PLEKHM3: variants seen among roughly 807,000 people sequenced by gnomAD.
PLEKHM3 encodes pleckstrin homology domain-containing family M member 3.
PLEKHM3 carries 45 observed loss-of-function variants against 81.8 expected under a neutral mutation model. The ratio of observed to expected loss-of-function variants is 0.55; its 90% confidence interval spans 0.43 to 0.71. The LOEUF is 0.71. Among genes scored for constraint, PLEKHM3 ranks in the 30% least tolerant of loss-of-function variants. PLEKHM3 has a pLI of 0.00. For missense variants in PLEKHM3, 788 were observed against 924.3 expected (o/e 0.85, Z 1.91); for synonymous variants, 352 against 356.4 (o/e 0.99, Z 0.14).
intron 7 of PLEKHM3, among the ~76,000 whole-genome samples, chr2:207,839,713 C>T (rs1158295129): frequency 6.6e-5 from 10 of 152,098 alleles, no homozygotes; most frequent in Non-Finnish European, 1.2e-4. Context: ...GCAGGATGAT[C>T]CTGCCCAGGA....
At chr2:207,922,676 G>T (rs1689225466) in intron 5 of PLEKHM3, among the ~76,000 whole-genome samples, 1 of 152,166 alleles carries the variant, frequency 6.6e-6, no homozygotes. Flanking sequence ...GCTGGGCGTG[G>T]TGGCGGGCGC....
chr2:207,899,686 G>A (rs1014399929), intron 6 of PLEKHM3, among the ~76,000 whole-genome samples: 6 of 152,158 alleles, frequency 3.9e-5, no homozygotes, highest in East Asian at 1.9e-4. Flanking sequence ...AAGCGATACC[G>A]TTTTACTCAT....
chr2:207,938,367 T>C (rs1029123958), intron 4 of PLEKHM3, among the ~76,000 whole-genome samples: 1 of 152,196 alleles, frequency 6.6e-6, no homozygotes, highest in Admixed American at 6.5e-5. Flanking sequence ...ATTAGGATTA[T>C]TAATACTCCA....
chr2:207,950,441 G>A (rs1279431253), intron 3 of PLEKHM3, among the ~76,000 whole-genome samples: 1 of 152,162 alleles, frequency 6.6e-6, no homozygotes, highest in Non-Finnish European at 1.5e-5. Context: ...TGCCAAATTT[G>A]AGTGAGCAAT....
At chr2:207,952,380 C>A (rs866293310) in intron 3 of PLEKHM3, among the ~76,000 whole-genome samples, 22 of 152,132 alleles carry the variant, frequency 1.4e-4, no homozygotes, top group African/African-American at 4.3e-4. Context: ...AAGGCCTAGA[C>A]TTTGATCATA....
chr2:207,956,555 T>A (rs1159722452), intron 3 of PLEKHM3, among the ~76,000 whole-genome samples: 2 of 150,534 alleles, frequency 1.3e-5, no homozygotes, highest in Admixed American at 6.6e-5. Context: ...TTTTTTTTTT[T>A]AAATTTTGGA....
At chr2:207,931,215 G>A in intron 4 of PLEKHM3, 96 bp from the exon 5 acceptor site, 4 of 1,178,450 alleles carry the variant, frequency 3.4e-6, no homozygotes, top group Non-Finnish European at 4.7e-6. Context: ...AAAGGAACAC[G>A]ATTATTTTCT....
intron 7 of PLEKHM3, among the ~76,000 whole-genome samples, chr2:207,836,045 A>G (rs1039659202): frequency 3.9e-5 from 6 of 152,182 alleles, no homozygotes; most frequent in African/African-American, 9.7e-5. Context: ...CCAGAGTTCA[A>G]CTTCTGTGGA....
chr2:207,892,044 G>C (rs1688076107), intron 6 of PLEKHM3, among the ~76,000 whole-genome samples: 1 of 152,240 alleles, frequency 6.6e-6, no homozygotes, highest in Admixed American at 6.5e-5. Flanking sequence ...AGCCCTTCTA[G>C]AGCCTGGGTA....
At chr2:207,985,174 G>A (rs1423839101) in intron 2 of PLEKHM3, among the ~76,000 whole-genome samples, 1 of 151,280 alleles carries the variant, frequency 6.6e-6, no homozygotes, top group African/African-American at 2.4e-5. Flanking sequence ...CATGTCCATG[G>A]CTCACCCACT....
intron 6 of PLEKHM3, among the ~76,000 whole-genome samples, chr2:207,869,316 T>C (rs1210716719): frequency 6.6e-6 from 1 of 152,190 alleles, no homozygotes; most frequent in Non-Finnish European, 1.5e-5. Flanking sequence ...AACAAAATCA[T>C]GACAGTGTAA....
chr2:207,913,972 C>T (rs764001317), intron 5 of PLEKHM3, among the ~76,000 whole-genome samples: 36 of 152,030 alleles, frequency 2.4e-4, no homozygotes, highest in East Asian at 5.8e-4. Context: ...CGTGTGCGTG[C>T]GCACACGCGC....
rs747940585 is a variant in PLEKHM3, at chr2:208,001,217, T to C, written c.423A>G (p.Ser141=). 6.2e-7 allele frequency: 1 copy of C among 1,614,140 alleles called. No individual in the cohort carries two copies. Among genetic ancestry groups the C allele is most frequent in the Admixed American group, 1.7e-5 (1 of 60,018 alleles). The change falls in exon 2 of 8, where the codon TCA becomes TCG. Residue 141 remains serine, a synonymous_variant. Transcript: ENST00000427836. ...ATCGAGCATGCCCTGGCTTGAAAGT[T>C]GAGGTCTCATCCAGTAAGTCATTTA... is the stretch of plus-strand genomic sequence containing the variant. ...RSVNDLLDET[S]TFKPGHARSR... is the part of the protein sequence containing the mutation.
chr2:207,991,483 A>G lies in PLEKHM3; in HGVS notation c.610+9547T>C, dbSNP rs180868664. ...GATGGCCTCTCCCCTGCCCTGTAAA[A>G]AGAATAATAATTTGTTTAATCCAAT... On this transcript the variant is annotated intron_variant, in intron 2 of 7. Transcript: ENST00000427836. Among the ~76,000 whole-genome samples, 833 of 152,296 alleles carry G rather than the reference A, an allele frequency of 5.5e-3. 3 individuals carry two copies. The highest frequency in any genetic ancestry group is 6.9e-3 in the Non-Finnish European group (467 of 68,028).
At chr2:207,948,673 A>G (rs1482160566) in intron 3 of PLEKHM3, among the ~76,000 whole-genome samples, 1 of 151,264 alleles carries the variant, frequency 6.6e-6, no homozygotes, top group Admixed American at 6.6e-5. Context: ...CCTCCCGAGG[A>G]GCTGGGACTA....
intron 6 of PLEKHM3, chr2:207,901,318 G>A: frequency 1.4e-6 from 1 of 703,030 alleles, no homozygotes; most frequent in East Asian, 2.7e-5. Context: ...CTGCAGAACA[G>A]AAAAGTCAGC....
At chr2:207,911,659 T>G (rs542429958) in intron 5 of PLEKHM3, among the ~76,000 whole-genome samples, 1 of 152,278 alleles carries the variant, frequency 6.6e-6, no homozygotes, top group South Asian at 2.1e-4. Context: ...GAAGGAATAA[T>G]CTTACTGAAA....
intron 3 of PLEKHM3, among the ~76,000 whole-genome samples, chr2:207,961,315 G>A (rs1034474823): frequency 1.3e-5 from 2 of 152,188 alleles, no homozygotes; most frequent in African/African-American, 4.8e-5. Flanking sequence ...TGATTTAAAA[G>A]AGAAGCAATT....
chr2:207,865,798 AAAAAG>A lies in PLEKHM3; in HGVS notation c.1951-4541_1951-4537del, dbSNP rs1237660086. 3.9e-3 allele frequency among the ~76,000 whole-genome samples: 175 copies of A among 44,366 alleles called. 12 individuals are homozygous for A. Among genetic ancestry groups the A allele is most frequent in the African/African-American group, 0.023 (170 of 7,448 alleles). 29.1% of individuals were successfully genotyped at this position (44,366 alleles called of 152,430 possible). A position where few individuals can be genotyped will look rare whatever the true frequency, so the allele number is the denominator to read the frequency against. On this transcript the variant is annotated intron_variant, in intron 6 of 7. Transcript: ENST00000427836. ...CTCCGACTCAAAAAAAAAAAAAAAAAAAAAGATATATATATATATATATATATATA... is the reference window on the plus strand; with the variant it reads ...CTCCGACTCAAAAAAAAAAAAAAAAAATATATATATATATATATATATATA...
Sources: gnomAD v4.1 joint callset for allele counts (sites outside exome capture counted in the v4.1 genomes callset) on GRCh38, gnomAD v4.1.1 for gene constraint, MANE v1.5 for transcripts, NCBI Gene and HGNC (gene_info 2026-07-23, HGNC 2026-07-21) for gene names.